FRMD1: variants seen among roughly 807,000 people sequenced by gnomAD.
FRMD1 encodes the protein FERM domain-containing protein 1.
Under a neutral mutation model 54.9 loss-of-function variants are expected in FRMD1, and 51 were observed. The ratio of observed to expected loss-of-function variants is 0.93; its 90% CI spans 0.74 to 1.17. FRMD1 has a LOEUF of 1.17. Ranked by LOEUF, FRMD1 falls within the 50% of genes most tolerant of loss-of-function variation. FRMD1 has a pLI of 0.00. For synonymous variants in FRMD1, 324 were observed against 306.4 expected (o/e 1.06, Z -0.60); for missense variants, 729 against 743.0 (o/e 0.98, Z 0.22).
chr6:168,070,383 A>AGGAGGGAAGGAG (rs1554256828), intron 2 of FRMD1, among the ~76,000 whole-genome samples: 1 of 87,486 alleles, frequency 1.1e-5, no homozygotes, highest in East Asian at 3.4e-4. Flanking sequence ...GAGGGAGGGA[A>AGGAGGGAAGGAG]GGAGGGAGGG....
chr6:168,066,904 G>C (rs1354159408), intron 3 of FRMD1, 73 bp from the exon 4 acceptor site: 4 of 1,570,272 alleles, frequency 2.5e-6, no homozygotes, highest in East Asian at 4.5e-5. Flanking sequence ...CTTCCCAGTT[G>C]GGGGGGCCTG....
intron 10 of FRMD1, chr6:168,057,704 C>A (rs1799485899): frequency 4.2e-6 from 1 of 240,770 alleles, no homozygotes; most frequent in Non-Finnish European, 8.1e-6. Context: ...GAACGGCCTC[C>A]TATTTTATAC....
chr6:168,061,630 A>G (rs949393323), intron 8 of FRMD1, among the ~76,000 whole-genome samples, 177 bp downstream of exon 8: 12 of 152,368 alleles, frequency 7.9e-5, no homozygotes, highest in Admixed American at 4.6e-4. Context: ...ATTCCACTCC[A>G]GGCAGAGCTG....
upstream of FRMD1, among the ~76,000 whole-genome samples, chr6:168,082,216 C>T (rs1800844482): frequency 6.6e-6 from 1 of 152,242 alleles, no homozygotes; most frequent in African/African-American, 2.4e-5. Flanking sequence ...CTGCACGTCA[C>T]AGACCCAGGC....
intron 2 of FRMD1, among the ~76,000 whole-genome samples, chr6:168,069,984 G>A (rs920227110): frequency 6.6e-6 from 1 of 152,116 alleles, no homozygotes; most frequent in Non-Finnish European, 1.5e-5. Context: ...CAGCACTTTG[G>A]GAGGCAGAGG....
chr6:168,063,023 A>G, intron 6 of FRMD1, 64 bp from the exon 7 acceptor site: 1 of 1,387,734 alleles, frequency 7.2e-7, no homozygotes, highest in Admixed American at 1.7e-5. Flanking sequence ...CTGATGGCAG[A>G]GTATGGTCAG....
At chr6:168,091,625 GC>G (rs1261176640) in intron 1 of FRMD1, among the ~76,000 whole-genome samples, 2 of 152,222 alleles carry the variant, frequency 1.3e-5, no homozygotes, top group Non-Finnish European at 2.9e-5. Context: ...ATTTGGCGGG[GC>G]CCCAGCATCT....
chr6:168,088,828 C>T (rs557380562), intron 1 of FRMD1, among the ~76,000 whole-genome samples: 12 of 152,258 alleles, frequency 7.9e-5, no homozygotes, highest in South Asian at 4.1e-4. Flanking sequence ...TAAACACATG[C>T]GCTACTAACC....
chr6:168,063,708 G>C lies in FRMD1; in HGVS notation c.697C>G (p.Leu233Val), dbSNP rs1322662273. The change falls in exon 6 of 11, where the codon CTG becomes GTG. Residue 233 changes from leucine to valine, a missense_variant. Leu to Val is a conservative substitution (Grantham distance 32). Coordinates refer to ENST00000283309, the MANE Select transcript of FRMD1 (RefSeq NM_024919.6). ...CTCAGGCCCTGGCGCTCACGGTGCAGGGTAGGCATGTGCCGGAGGATGTAG... is the reference window on the plus strand; with the variant it reads ...CTCAGGCCCTGGCGCTCACGGTGCACGGTAGGCATGTGCCGGAGGATGTAG... ...IDYILRHMPT[L>V]HRERQGLSPK... 1.2e-6 allele frequency: 2 copies of C among 1,613,808 alleles called. No individual in the cohort carries two copies. The highest frequency in any genetic ancestry group is 3.3e-5 in the Admixed American group (2 of 60,004).
chr6:168,061,547 G>C (rs567947005), intron 8 of FRMD1, among the ~76,000 whole-genome samples: 1 of 152,364 alleles, frequency 6.6e-6, no homozygotes, highest in African/African-American at 2.4e-5. Context: ...GTGGAAAACA[G>C]ACCAGGAAAC....
In FRMD1 at chr6:168,079,080, CG is replaced by C; in HGVS notation, c.14del (p.Pro5ArgfsTer6). 2 of 1,604,016 alleles carry C rather than the reference CG, an allele frequency of 1.2e-6. No individual in the cohort carries two copies. MAVP[P>X]RGRGIDPART... ...GGGCGGGGTCTATGCCCCTCCCTCTCGGGGGCACCGCCATGCTGTCGTTACT... is the reference window on the plus strand; with the variant it reads ...GGGCGGGGTCTATGCCCCTCCCTCTCGGGGCACCGCCATGCTGTCGTTACT... On this transcript the variant is annotated frameshift_variant, in exon 1 of 11. Coordinates refer to ENST00000283309, the MANE Select transcript of FRMD1 (RefSeq NM_024919.6). LOFTEE classifies it high-confidence loss of function.
intron 4 of FRMD1, chr6:168,066,197 T>C: frequency 3.0e-6 from 3 of 987,448 alleles, no homozygotes; most frequent in Non-Finnish European, 3.6e-6. Flanking sequence ...AGTCCTGGCA[T>C]TTGAGGAAGT....
chr6:168,058,444 C>T (rs1204265160), intron 10 of FRMD1, among the ~76,000 whole-genome samples: 2 of 152,120 alleles, frequency 1.3e-5, no homozygotes, highest in Admixed American at 1.3e-4. Context: ...TCTTCTCTCT[C>T]CATCCAGCAT....
At chr6:168,091,442 C>T (rs979433608) in intron 1 of FRMD1, among the ~76,000 whole-genome samples, 2 of 152,254 alleles carry the variant, frequency 1.3e-5, no homozygotes, top group African/African-American at 2.4e-5. Flanking sequence ...CTCAAGTCCT[C>T]GCCCCTCCTC....
intron 1 of FRMD1, among the ~76,000 whole-genome samples, chr6:168,077,234 T>A (rs952135369): frequency 4.8e-4 from 72 of 150,338 alleles, no homozygotes; most frequent in East Asian, 4.0e-4. Context: ...CACACCTCAA[T>A]AGGGGGTTTC....
intron 1 of FRMD1, among the ~76,000 whole-genome samples, chr6:168,077,677 A>G (rs954884980): frequency 3.3e-5 from 5 of 152,244 alleles, no homozygotes; most frequent in Non-Finnish European, 7.3e-5. Flanking sequence ...TCACCTGTTC[A>G]GAACAGGCGG....
upstream of FRMD1, among the ~76,000 whole-genome samples, chr6:168,085,158 T>G (rs563659137): frequency 4.1e-4 from 62 of 152,348 alleles, no homozygotes; most frequent in African/African-American, 1.4e-3. Flanking sequence ...AGCCAGGCAG[T>G]CATTAACTGC....
rs1799421515 is a variant in FRMD1 at position 168,056,709 on chromosome 6, T to G, written c.*388A>C. ...ACTGTCTCTTGGGGAGCTGACAGTG[T>G]GGGAAACTGCAGAGCTGTCTCTCCA... On this transcript the variant is annotated 3_prime_UTR_variant, in exon 11 of 11. Coordinates refer to ENST00000283309, the MANE Select transcript of FRMD1 (RefSeq NM_024919.6). 5.9e-6 allele frequency: 1 copy of G among 168,110 alleles called. No individual in the cohort carries two copies. Among genetic ancestry groups the G allele is most frequent in the African/African-American group, 2.4e-5 (1 of 41,982 alleles). 10.4% of individuals were successfully genotyped at this position (168,110 alleles called of 1,614,324 possible).
chr6:168,080,847 G>T (rs1192800413), upstream of FRMD1, among the ~76,000 whole-genome samples: 1 of 152,046 alleles, frequency 6.6e-6, no homozygotes, highest in Non-Finnish European at 1.5e-5. Context: ...GCGCTGGTGT[G>T]TGTGGGCGCT....
Sources: gnomAD v4.1 joint callset for allele counts (sites outside exome capture counted in the v4.1 genomes callset) on GRCh38, gnomAD v4.1.1 for gene constraint, MANE v1.5 for transcripts, NCBI Gene and HGNC (gene_info 2026-07-23, HGNC 2026-07-21) for gene names.